The following URB1 variants were observed in gnomAD, a reference collection of about 807,000 sequenced individuals.
The protein encoded by URB1 is nucleolar pre-ribosomal-associated protein 1.
Under a neutral mutation model 242.3 loss-of-function variants are expected in URB1, and 197 were observed. The ratio of observed to expected loss-of-function variants is 0.81; its 90% CI spans 0.72 to 0.91. The LOEUF is 0.91. URB1 is among the 40% of genes least tolerant of loss of function. The pLI is 0.00. For synonymous variants in URB1, 1,153 were observed against 1,201.8 expected (o/e 0.96, Z 0.84); for missense variants, 2,721 against 2,860.5 (o/e 0.95, Z 1.11).
rs2032634475 is a variant in URB1 at position 32,313,865 on chromosome 21, A to G, written c.*1053T>C. On this transcript the variant is annotated 3_prime_UTR_variant, in exon 39 of 39. Transcript: ENST00000382751. ...AACCCCAACTAATATATGACCATTA[A>G]GAGTAAAATTCTGACCTTTAAAATA... 6.6e-6 allele frequency: 1 copy of G among 152,252 alleles called. No individual in the cohort carries two copies. Among genetic ancestry groups the G allele is most frequent in the Non-Finnish European group, 1.5e-5 (1 of 68,060 alleles). The allele number at this position is 152,252 out of a possible 1,614,324, so 9.4% of individuals were successfully genotyped here.
rs2033188390 is a variant in URB1, at chr21:32,353,949, C to G, written c.2400G>C (p.Gly800=). 26 of 1,551,600 alleles carry G rather than the reference C, an allele frequency of 1.7e-5. No homozygotes were observed. The highest frequency in any genetic ancestry group is 2.3e-5 in the Non-Finnish European group (26 of 1,147,010). ...ALEARNKLLL[G]TGNEAAENVV... is the part of the protein sequence containing the mutation. ...CATAGGTACCTGCTTCATTGCCTGT[C>G]CCAAGGAGCAACTTATTCCTGGCTT... is the stretch of plus-strand genomic sequence containing the variant. The change falls in exon 18 of 39, where the codon GGG becomes GGC. Residue 800 remains glycine, a synonymous_variant. Coordinates refer to ENST00000382751, the MANE Select transcript of URB1 (RefSeq NM_014825.3).
chr21:32,355,931 G>A (rs7281529), intron 15 of URB1, among the ~76,000 whole-genome samples: 4,872 of 152,276 alleles, frequency 0.032, 256 homozygotes, highest in African/African-American at 0.11. Flanking sequence ...ACTTTCTGTC[G>A]GAGGTCAAGC....
intron 36 of URB1, 63 bp downstream of exon 36, chr21:32,319,154 G>T: frequency 6.8e-7 from 1 of 1,471,636 alleles, no homozygotes; most frequent in Non-Finnish European, 9.1e-7. Context: ...GGTGTCCACA[G>T]GTGGCAGACC....
intron 27 of URB1, 72 bp from the exon 28 acceptor site, chr21:32,337,229 C>T (rs903354120): frequency 2.4e-5 from 36 of 1,484,260 alleles, no homozygotes; most frequent in Non-Finnish European, 3.2e-5. Context: ...ACCACCTGCC[C>T]TCATACCCTC....
intron 19 of URB1, among the ~76,000 whole-genome samples, chr21:32,351,331 G>A (rs764152288): frequency 6.6e-6 from 1 of 152,160 alleles, no homozygotes; most frequent in South Asian, 2.1e-4. Flanking sequence ...CAGGAGCTGC[G>A]GGTCGAATAT....
chr21:32,333,063 A>T, intron 30 of URB1: 1 of 462,500 alleles, frequency 2.2e-6, no homozygotes, highest in Non-Finnish European at 3.9e-6. Flanking sequence ...TTAGGAAAAC[A>T]TCAAAGACAA....
chr21:32,315,491 G>A (rs1601115623), intron 38 of URB1, among the ~76,000 whole-genome samples: 1 of 152,076 alleles, frequency 6.6e-6, no homozygotes, highest in South Asian at 2.1e-4. Context: ...TTTTTGTAGA[G>A]ACAGGGTTTC....
At chr21:32,375,358 G>A in intron 6 of URB1, 40 bp downstream of exon 6, 2 of 1,311,500 alleles carry the variant, frequency 1.5e-6, no homozygotes, top group Non-Finnish European at 2.1e-6. Flanking sequence ...CATTCCCAAG[G>A]GAAAACAGAC....
intron 34 of URB1, among the ~76,000 whole-genome samples, chr21:32,321,494 A>ACC (rs952699117): frequency 3.9e-5 from 6 of 151,954 alleles, no homozygotes; most frequent in Non-Finnish European, 8.8e-5. Flanking sequence ...ACTGATCAGT[A>ACC]CCCCCCACTG....
At chr21:32,347,912 A>G (rs1350690701) in intron 21 of URB1, 101 bp from the exon 22 acceptor site, 2 of 1,428,784 alleles carry the variant, frequency 1.4e-6, no homozygotes, top group African/African-American at 2.9e-5. Context: ...CGAGACAGAG[A>G]GCAGAAGGCC....
Position 32,311,521 on chromosome 21 carries a change from G to A in URB1, c.*3397C>T. 2 of 989,230 alleles carry A rather than the reference G, an allele frequency of 2.0e-6. No individual in the cohort carries two copies. The highest frequency in any genetic ancestry group is 2.7e-5 in the Admixed American group (1 of 37,466). The allele number at this position is 989,230 out of a possible 1,614,324, so 61.3% of individuals were successfully genotyped here. A position where few individuals can be genotyped will look rare whatever the true frequency, so the allele number is the denominator to read the frequency against. ...TCTCCTCTGAGATTTCTCTAGAATG[G>A]CCACCTTTGTGAGCTGGCTGACCCT... On this transcript the variant is annotated 3_prime_UTR_variant, in exon 39 of 39. Coordinates refer to ENST00000382751, the MANE Select transcript of URB1 (RefSeq NM_014825.3).
chr21:32,347,151 G>A lies in URB1; in HGVS notation c.3673C>T (p.Arg1225Trp), dbSNP rs891471003. Residue 1225 changes from arginine to tryptophan, a missense_variant, in exon 22 of 39, where the codon CGG becomes TGG. By Grantham distance (101) the Arg-to-Trp change is moderately radical. Coordinates refer to ENST00000382751, the MANE Select transcript of URB1 (RefSeq NM_014825.3). ...GADLLDYCLARRTQAALSIAA... is the reference protein window; with the variant it reads ...GADLLDYCLAWRTQAALSIAA... ...ATGCTGAGGGCCGCCTGTGTGCGCC[G>A]GGCCAGGCAGTAGTCAAGCAGATCA... 76 of 1,548,648 alleles carry A rather than the reference G, an allele frequency of 4.9e-5. No homozygotes were observed. The East Asian group carries it at 5.4e-4, about 11-fold the overall frequency.
chr21:32,389,794 A>G (rs192271754), intron 1 of URB1, among the ~76,000 whole-genome samples: 1 of 152,322 alleles, frequency 6.6e-6, no homozygotes, highest in Admixed American at 6.5e-5. Flanking sequence ...ACACTTTCAA[A>G]GGAACTGGCT....
At chr21:32,341,568 C>A in intron 24 of URB1, 44 bp from the exon 25 acceptor site, 1 of 1,528,476 alleles carries the variant, frequency 6.5e-7, no homozygotes, top group South Asian at 1.2e-5. Context: ...ACATCTCAGT[C>A]TACAAAATAC....
At chr21:32,317,420 C>T (rs1240818549) in intron 37 of URB1, among the ~76,000 whole-genome samples, 4 of 152,196 alleles carry the variant, frequency 2.6e-5, no homozygotes, top group African/African-American at 9.7e-5. Context: ...TAGCTACCCC[C>T]AGCCTCTTTA....
chr21:32,367,175 A>G (rs1033252814), intron 9 of URB1, among the ~76,000 whole-genome samples: 13 of 152,184 alleles, frequency 8.5e-5, no homozygotes, highest in Non-Finnish European at 1.3e-4. Context: ...CTTTACATTA[A>G]AACAAAAATA....
intron 30 of URB1, among the ~76,000 whole-genome samples, chr21:32,327,089 A>G (rs1184404397): frequency 6.6e-6 from 1 of 152,196 alleles, no homozygotes; most frequent in Non-Finnish European, 1.5e-5. Context: ...AAACCTAGAC[A>G]GCCAAGAAAC....
intron 30 of URB1, among the ~76,000 whole-genome samples, chr21:32,327,919 A>T (rs2833769): frequency 0.85 from 128,819 of 152,202 alleles, 54,898 homozygotes; most frequent in Admixed American, 0.9. Context: ...AAGAGATAAA[A>T]TAGAGTCAGA....
In URB1 at chr21:32,347,505, C is replaced by T. The variant is rs750927465; in HGVS notation, c.3319G>A (p.Ala1107Thr). 19 of 1,551,180 alleles carry T rather than the reference C, an allele frequency of 1.2e-5. No homozygotes were observed. Among genetic ancestry groups the T allele is most frequent in the Non-Finnish European group, 1.5e-5 (17 of 1,146,836 alleles). Residue 1107 changes from alanine (A) to threonine (T), a missense_variant, in exon 22 of 39, where the codon GCC becomes ACC. Transcript: ENST00000382751. The stretch of plus-strand genomic sequence containing the variant: ...ATGTATGGATGCAGCTCCTGCAGGG[C>T]CTCCAGCTGCGGCGGGGTCTTTGGT... ...SPPKTPPQLEALQELHPYMEG... is the reference protein window; with the variant it reads ...SPPKTPPQLETLQELHPYMEG...
Sources: allele counts gnomAD v4.1 joint callset (sites outside exome capture counted in the v4.1 genomes callset), GRCh38; gene constraint gnomAD v4.1.1; transcripts MANE v1.5; gene names NCBI Gene and HGNC (gene_info 2026-07-23, HGNC 2026-07-21).